Variants in CSDC2 observed in about 807,000 individuals in gnomAD.
CSDC2 encodes the protein cold shock domain containing C2, also known as cold shock domain-containing protein C2.
A neutral mutation model predicts 15.8 loss-of-function variants in CSDC2; 8 were observed. The ratio of observed to expected loss-of-function variants is 0.51; its 90% confidence interval spans 0.30 to 0.92. The LOEUF is 0.92. CSDC2 is among the 40% of genes least tolerant of loss of function. CSDC2 has a pLI of 0.07. For missense variants in CSDC2, 195 were observed against 213.3 expected (o/e 0.91, Z 0.53); for synonymous variants, 96 against 92.3 (o/e 1.04, Z -0.23).
chr22:41,565,421 G>A (rs184843188), intron 1 of CSDC2, among the ~76,000 whole-genome samples: 143 of 145,204 alleles, frequency 9.8e-4, no homozygotes, highest in African/African-American at 3.5e-3. Context: ...CTGCACTCCA[G>A]CCTGGGTGAC....
At chr22:41,569,281 A>G (rs1386424050) in intron 1 of CSDC2, among the ~76,000 whole-genome samples, 3 of 152,226 alleles carry the variant, frequency 2.0e-5, no homozygotes, top group South Asian at 2.1e-4. Context: ...TTACTGAGAT[A>G]TCGTTCATAT....
At chr22:41,569,930 C>T (rs2067136740) in intron 1 of CSDC2, among the ~76,000 whole-genome samples, 1 of 151,954 alleles carries the variant, frequency 6.6e-6, no homozygotes, top group Non-Finnish European at 1.5e-5. Context: ...CAGGTGGATG[C>T]CATCACACCC....
intron 1 of CSDC2, among the ~76,000 whole-genome samples, chr22:41,569,761 A>G (rs910377884): frequency 4.8e-5 from 7 of 146,052 alleles, no homozygotes; most frequent in Non-Finnish European, 9.0e-5. Flanking sequence ...TTTATGTCCA[A>G]GTGTTTGTGT....
At chr22:41,567,968 C>T (rs1481743674) in intron 1 of CSDC2, among the ~76,000 whole-genome samples, 4 of 152,144 alleles carry the variant, frequency 2.6e-5, no homozygotes, top group Non-Finnish European at 5.9e-5. Flanking sequence ...TCTCCTTCCC[C>T]CACTCCCTCT....
At chr22:41,574,544 C>T (rs965123982) in intron 3 of CSDC2, among the ~76,000 whole-genome samples, 189 bp from the exon 4 acceptor site, 1 of 152,210 alleles carries the variant, frequency 6.6e-6, no homozygotes, top group African/African-American at 2.4e-5. Context: ...GGATTACAGG[C>T]GTGAGCCACT....
intron 1 of CSDC2, among the ~76,000 whole-genome samples, chr22:41,569,180 T>C (rs888503695): frequency 6.6e-6 from 1 of 152,236 alleles, no homozygotes; most frequent in Non-Finnish European, 1.5e-5. Flanking sequence ...CAGGTGGCAC[T>C]CAAGGAGTGC....
intron 1 of CSDC2, among the ~76,000 whole-genome samples, chr22:41,566,498 G>A (rs1398238732): frequency 1.0e-4 from 15 of 150,176 alleles, no homozygotes; most frequent in Admixed American, 8.6e-4. Context: ...GTGGTGGTGG[G>A]CGTCTGTAAT....
chr22:41,566,316 C>T (rs1360043759), intron 1 of CSDC2, among the ~76,000 whole-genome samples: 18 of 151,696 alleles, frequency 1.2e-4, no homozygotes, highest in Non-Finnish European at 2.2e-4. Flanking sequence ...TGGTGGCACA[C>T]GCCTGTAGTC....
intron 1 of CSDC2, among the ~76,000 whole-genome samples, chr22:41,564,038 C>T (rs1432822249): frequency 2.0e-5 from 3 of 146,500 alleles, no homozygotes; most frequent in Admixed American, 6.8e-5. Context: ...GAGCCGAGAT[C>T]GCACCACTGC....
At chr22:41,561,833 C>A (rs898142102) in intron 1 of CSDC2, among the ~76,000 whole-genome samples, 4 of 152,206 alleles carry the variant, frequency 2.6e-5, no homozygotes, top group African/African-American at 9.6e-5. Context: ...GGGCACAGCC[C>A]CCGGAGGGCA....
At chr22:41,568,954 G>A (rs998846181) in intron 1 of CSDC2, among the ~76,000 whole-genome samples, 7 of 152,232 alleles carry the variant, frequency 4.6e-5, no homozygotes, top group East Asian at 3.9e-4. Flanking sequence ...CAGCTCAGCC[G>A]CGTCTCCCTG....
Position 41,574,736 on chromosome 22 carries a change from C to T in CSDC2, c.303C>T (p.Ile101=), listed in dbSNP as rs1369336648. ...SEDIFVHVSD[I]EGEYVPVEGD... ...TACCCCTCTTCCTGCCCGCCAGCATCGAGGGGGAGTACGTGCCAGTGGAGG... is the reference window on the plus strand; with the variant it reads ...TACCCCTCTTCCTGCCCGCCAGCATTGAGGGGGAGTACGTGCCAGTGGAGG... Residue 101 remains isoleucine (I), a synonymous_variant, in exon 4 of 4, where the codon ATC becomes ATT. Transcript: ENST00000306149. 9.9e-6 allele frequency: 16 copies of T among 1,613,492 alleles called. 1 individual carries two copies. Among genetic ancestry groups the T allele is most frequent in the South Asian group, 6.6e-5 (6 of 91,074 alleles).
At chr22:41,568,245 C>T (rs1410869730) in intron 1 of CSDC2, among the ~76,000 whole-genome samples, 1 of 151,080 alleles carries the variant, frequency 6.6e-6, no homozygotes, top group East Asian at 1.9e-4. Context: ...CCACCTTAGC[C>T]TCCTGAGTAG....
rs373627851 is a variant in CSDC2, at chr22:41,573,685, C to T, written c.207C>T (p.Phe69=). 20 of 1,613,558 alleles carry T rather than the reference C, an allele frequency of 1.2e-5. No homozygotes were observed. The highest frequency in any genetic ancestry group is 4.0e-5 in the African/African-American group (3 of 74,918). The part of the protein sequence containing the change: ...ATARASAGPV[F]KGVCKQFSRS... ...CCCGGGCCTCAGCTGGCCCCGTGTT[C>T]AAGGGCGTCTGTAAGCAGTTCTCAC... is the stretch of plus-strand genomic sequence containing the variant. The change falls in exon 3 of 4, where the codon TTC becomes TTT. Residue 69 remains phenylalanine (F), a synonymous_variant. Coordinates refer to ENST00000306149, the MANE Select transcript of CSDC2 (RefSeq NM_014460.4).
At chr22:41,566,853 G>A (rs1446793446) in intron 1 of CSDC2, among the ~76,000 whole-genome samples, 2 of 151,082 alleles carry the variant, frequency 1.3e-5, no homozygotes, top group African/African-American at 4.9e-5. Flanking sequence ...CGTGAACCCG[G>A]GAGGCGGAGC....
intron 1 of CSDC2, among the ~76,000 whole-genome samples, chr22:41,565,271 G>A (rs2067108044): frequency 6.6e-6 from 1 of 151,712 alleles, no homozygotes; most frequent in Non-Finnish European, 1.5e-5. Flanking sequence ...CCAACATGGT[G>A]AAACCCCATC....
At chr22:41,567,346 A>G (rs995273100) in intron 1 of CSDC2, among the ~76,000 whole-genome samples, 2 of 152,252 alleles carry the variant, frequency 1.3e-5, no homozygotes, top group Non-Finnish European at 1.5e-5. Context: ...TCTGAGCCTC[A>G]GCTATCTCAT....
Position 41,574,643 on chromosome 22 carries a change from T to TA in CSDC2, c.300-89dup, listed in dbSNP as rs958657919. Reference sequence around the variant, plus strand: ...CCAGGCCTCCTGGCCTAGGGAGGCTTAGGGCCAGGCTGCCCCCAAGGCCAG... The same window carrying TA: ...CCAGGCCTCCTGGCCTAGGGAGGCTTAAGGGCCAGGCTGCCCCCAAGGCCAG... On this transcript the variant is annotated intron_variant, in intron 3 of 3. Coordinates refer to ENST00000306149, the MANE Select transcript of CSDC2 (RefSeq NM_014460.4). 29 of 1,489,156 alleles carry TA rather than the reference T, an allele frequency of 1.9e-5. No homozygotes were observed. The African/African-American group carries it at 3.5e-4, about 18-fold the overall frequency. 92.2% of individuals were successfully genotyped at this position (1,489,156 alleles called of 1,614,324 possible).
chr22:41,565,704 C>T (rs555763371), intron 1 of CSDC2, among the ~76,000 whole-genome samples: 1 of 152,346 alleles, frequency 6.6e-6, no homozygotes, highest in African/African-American at 2.4e-5. Flanking sequence ...TGTGGTTCAT[C>T]TGCCAAGAAG....
Sources: gnomAD v4.1 joint callset for allele counts (sites outside exome capture counted in the v4.1 genomes callset) on GRCh38, gnomAD v4.1.1 for gene constraint, MANE v1.5 for transcripts, NCBI Gene and HGNC (gene_info 2026-07-23, HGNC 2026-07-21) for gene names.